SIK3: variants seen among roughly 807,000 people sequenced by gnomAD.
The protein encoded by SIK3 is serine/threonine-protein kinase SIK3.
SIK3 carries 28 observed loss-of-function variants against 144.2 expected under a neutral mutation model. The ratio of observed to expected loss-of-function variants is 0.19; its 90% confidence interval spans 0.14 to 0.27. The LOEUF (loss-of-function observed/expected upper bound fraction) is 0.27, where lower values mean the gene tolerates loss of function less well. Ranked by LOEUF, SIK3 falls within the 10% of genes least tolerant of loss-of-function variation. SIK3 has a pLI of 1.00. For synonymous variants in SIK3, 686 were observed against 676.3 expected (o/e 1.01, Z -0.22); for missense variants, 1,319 against 1,776.0 (o/e 0.74, Z 4.62).
At chr11:116,980,770 T>G (rs923940516) in intron 1 of SIK3, among the ~76,000 whole-genome samples, 22 of 152,036 alleles carry the variant, frequency 1.4e-4, no homozygotes, top group African/African-American at 5.3e-4. Context: ...GAGGATCACT[T>G]GAACCTAGGA....
chr11:116,895,426 C>T (rs1285072237), intron 6 of SIK3, among the ~76,000 whole-genome samples: 1 of 152,224 alleles, frequency 6.6e-6, no homozygotes, highest in Non-Finnish European at 1.5e-5. Context: ...ATCTTCTACA[C>T]TATGACGTTA....
chr11:117,002,419 T>C (rs1336284744), intron 1 of SIK3, among the ~76,000 whole-genome samples: 1 of 152,188 alleles, frequency 6.6e-6, no homozygotes, highest in African/African-American at 2.4e-5. Context: ...GGACAGCCCT[T>C]AAGTAGGCTG....
At chr11:117,055,826 A>G (rs776766136) in intron 1 of SIK3, among the ~76,000 whole-genome samples, 1 of 152,208 alleles carries the variant, frequency 6.6e-6, no homozygotes, top group African/African-American at 2.4e-5. Context: ...GGCTTGATGG[A>G]GGGAGTTACT....
At chr11:117,091,200 CTTTT>C (rs386375011) in intron 1 of SIK3, among the ~76,000 whole-genome samples, 165 of 93,006 alleles carry the variant, frequency 1.8e-3, no homozygotes, top group Non-Finnish European at 2.7e-3. Flanking sequence ...TTTTTTTTTT[CTTTT>C]TTTTTTTTTT....
intron 3 of SIK3, among the ~76,000 whole-genome samples, chr11:116,950,809 C>T (rs77586292): frequency 0.078 from 11,941 of 152,230 alleles, 773 homozygotes; most frequent in African/African-American, 0.18. Context: ...GTAGCCTGGA[C>T]GGGAATTTCC....
intron 1 of SIK3, among the ~76,000 whole-genome samples, chr11:116,965,649 T>A (rs1949500745): frequency 8.1e-6 from 1 of 122,910 alleles, no homozygotes; most frequent in East Asian, 2.1e-4. Flanking sequence ...ATCCTAGCAC[T>A]TTGGGAGGCT....
chr11:116,847,719 C>T, intron 22 of SIK3, 111 bp from the exon 23 acceptor site: 1 of 1,365,384 alleles, frequency 7.3e-7, no homozygotes, highest in South Asian at 1.2e-5. Flanking sequence ...AGCCCGGGGC[C>T]CCACTCCAGA....
rs546974143 is a variant in SIK3, at chr11:116,878,354, C to T, written c.866-1312G>A. ...CAGAATGAAATCTAAAGTCCTGGGC[C>T]TCCAAGGCTCCTACTTCTCTCTCTC... On this transcript the variant is annotated intron_variant, in intron 6 of 24. Transcript: ENST00000445177. Among the ~76,000 whole-genome samples the T allele has an allele frequency of 1.1e-4, 16 of 151,864 alleles. No homozygotes were observed. In the East Asian group the frequency reaches 3.1e-3, roughly 29 times the overall value.
intron 1 of SIK3, among the ~76,000 whole-genome samples, chr11:117,084,276 T>G (rs1591675254): frequency 6.6e-6 from 1 of 152,176 alleles, no homozygotes; most frequent in African/African-American, 2.4e-5. Flanking sequence ...TTGTGGTTGG[T>G]TTGTTTGAGA....
intron 17 of SIK3, 83 bp from the exon 18 acceptor site, chr11:116,862,009 A>G: frequency 7.9e-7 from 1 of 1,271,854 alleles, no homozygotes; most frequent in Admixed American, 2.0e-5. Context: ...GAAGAAACAG[A>G]AAGAACTATC....
chr11:116,893,683 TAGGGAGGA>T (rs764969626), intron 6 of SIK3, among the ~76,000 whole-genome samples: 1 of 151,148 alleles, frequency 6.6e-6, no homozygotes, highest in Non-Finnish European at 1.5e-5. Flanking sequence ...AAAAGGGAGT[TAGGGAGGA>T]AGGGAGGAAA....
At chr11:117,012,644 T>G (rs1164941070) in intron 1 of SIK3, among the ~76,000 whole-genome samples, 1 of 152,126 alleles carries the variant, frequency 6.6e-6, no homozygotes, top group African/African-American at 2.4e-5. Flanking sequence ...TCCTTCTCAC[T>G]GCTCAATCCT....
chr11:116,890,498 T>A (rs1318858607), intron 6 of SIK3, among the ~76,000 whole-genome samples: 1 of 152,250 alleles, frequency 6.6e-6, no homozygotes, highest in Non-Finnish European at 1.5e-5. Flanking sequence ...TACTAAGTCC[T>A]ACTACACACC....
chr11:117,023,609 C>CAA (rs71469123), intron 1 of SIK3, among the ~76,000 whole-genome samples: 1,372 of 51,894 alleles, frequency 0.026, 25 homozygotes, highest in Middle Eastern at 0.068. Flanking sequence ...AACAAACAAA[C>CAA]AAAAAAAAAA....
At chr11:117,091,200 C>CTTTTTTTTT (rs386375011) in intron 1 of SIK3, among the ~76,000 whole-genome samples, 14 of 93,006 alleles carry the variant, frequency 1.5e-4, no homozygotes, top group East Asian at 3.1e-4. Flanking sequence ...TTTTTTTTTT[C>CTTTTTTTTT]TTTTTTTTTT....
intron 3 of SIK3, among the ~76,000 whole-genome samples, chr11:116,931,229 A>G (rs1210366081): frequency 6.6e-6 from 1 of 152,210 alleles, no homozygotes; most frequent in Non-Finnish European, 1.5e-5. Flanking sequence ...AATTTTCTAA[A>G]GTATTAGAGC....
chr11:116,999,413 T>C (rs994393912), intron 1 of SIK3, among the ~76,000 whole-genome samples: 1 of 152,208 alleles, frequency 6.6e-6, no homozygotes, highest in Non-Finnish European at 1.5e-5. Flanking sequence ...TAATCTGTGA[T>C]TCCTCTGAGC....
intron 1 of SIK3, among the ~76,000 whole-genome samples, chr11:116,958,484 A>C (rs6589582): frequency 0.46 from 69,364 of 151,974 alleles, 19,210 homozygotes; most frequent in Non-Finnish European, 0.64. Context: ...GACACAGCCT[A>C]AACTTCAAGG....
chr11:117,004,070 C>G (rs1438010464), intron 1 of SIK3, among the ~76,000 whole-genome samples: 2 of 152,100 alleles, frequency 1.3e-5, no homozygotes, highest in African/African-American at 4.8e-5. Flanking sequence ...TATTAAAAAT[C>G]CTCTCCAAAT....
Sources: gnomAD v4.1 joint callset for allele counts (sites outside exome capture counted in the v4.1 genomes callset) on GRCh38, gnomAD v4.1.1 for gene constraint, MANE v1.5 for transcripts, NCBI Gene and HGNC (gene_info 2026-07-23, HGNC 2026-07-21) for gene names.